Variants in C1orf21 observed in about 807,000 individuals in gnomAD.
C1orf21 encodes uncharacterized protein C1orf21.
A neutral mutation model predicts 18.7 loss-of-function variants in C1orf21; 3 were observed. The observed-to-expected ratio is 0.16, with a 90% CI of 0.07 to 0.42. C1orf21 has a LOEUF of 0.42. Ranked by LOEUF, C1orf21 falls within the 10% of genes least tolerant of loss-of-function variation. The probability of loss-of-function intolerance (pLI) is 0.99; values close to 1 mark genes in which losing one functional copy is unlikely to be tolerated. For synonymous variants in C1orf21, 41 were observed against 46.4 expected, an observed-to-expected ratio of 0.88 and a Z score of 0.47; for missense variants, 104 against 143.6, an observed-to-expected ratio of 0.72 and a Z score of 1.41.
At chr1:184,453,658 CT>C (rs112168366) in intron 1 of C1orf21, among the ~76,000 whole-genome samples, 6 of 151,420 alleles carry the variant, frequency 4.0e-5, no homozygotes, top group African/African-American at 1.2e-4. Context: ...TAGACCAAAA[CT>C]TTTTTTTTAT....
In C1orf21 at chr1:184,427,345, GTC is replaced by G. The variant is rs558710298; in HGVS notation, c.-125+39981_-125+39982del. 9.2e-5 allele frequency among the ~76,000 whole-genome samples: 14 copies of G among 152,278 alleles called. No homozygotes were observed. The East Asian group carries it at 2.7e-3, about 29-fold the overall frequency. Reference sequence around the variant, plus strand: ...TAAAAAATAAAATAAAATCTGACATGTCTCTGTTTGTATGAGCTTCTCTTACT... The same window carrying G: ...TAAAAAATAAAATAAAATCTGACATGTCTGTTTGTATGAGCTTCTCTTACT... On this transcript the variant is annotated intron_variant, in intron 1 of 5. Coordinates refer to ENST00000235307, the MANE Select transcript of C1orf21 (RefSeq NM_030806.4).
At chr1:184,463,583 T>C (rs1657341202) in intron 1 of C1orf21, among the ~76,000 whole-genome samples, 2 of 152,316 alleles carry the variant, frequency 1.3e-5, no homozygotes, top group South Asian at 2.1e-4. Flanking sequence ...AATCTTCTAC[T>C]TTGTGCAAAG....
At chr1:184,463,176 C>T (rs1025821590) in intron 1 of C1orf21, among the ~76,000 whole-genome samples, 7 of 151,766 alleles carry the variant, frequency 4.6e-5, no homozygotes, top group South Asian at 2.1e-4. Flanking sequence ...GTGGCATCAG[C>T]TCAGCTATGA....
Position 184,418,858 on chromosome 1 carries a change from C to T in C1orf21, c.-125+31490C>T, listed in dbSNP as rs892604971. ...TAGTAGCTCATGCCAGTTCCTGTTTCACATTCTACTACTGTTGGTTTGGCT... is the reference window on the plus strand; with the variant it reads ...TAGTAGCTCATGCCAGTTCCTGTTTTACATTCTACTACTGTTGGTTTGGCT... On this transcript the variant is annotated intron_variant, in intron 1 of 5. Transcript: ENST00000235307. 2.6e-5 allele frequency among the ~76,000 whole-genome samples: 4 copies of T among 152,280 alleles called. No individual in the cohort carries two copies. The South Asian group carries it at 8.3e-4, about 32-fold the overall frequency.
At chr1:184,540,355 T>G (rs1389612123) in intron 3 of C1orf21, among the ~76,000 whole-genome samples, 1 of 152,180 alleles carries the variant, frequency 6.6e-6, no homozygotes, top group Non-Finnish European at 1.5e-5. Context: ...GTACCAAGAT[T>G]TTAAAAGAGA....
chr1:184,566,773 T>C, intron 3 of C1orf21: 1 of 416,538 alleles, frequency 2.4e-6, no homozygotes, highest in South Asian at 2.0e-5. Context: ...GCTGGTGTTG[T>C]GATGCTGCTC....
intron 1 of C1orf21, among the ~76,000 whole-genome samples, chr1:184,401,289 C>T (rs549586759): frequency 1.6e-4 from 24 of 152,094 alleles, no homozygotes; most frequent in South Asian, 1.2e-3. Flanking sequence ...GGCACCATCT[C>T]GGCTCACTGC....
chr1:184,579,797 C>T (rs1297244499), intron 3 of C1orf21, among the ~76,000 whole-genome samples: 1 of 152,202 alleles, frequency 6.6e-6, no homozygotes, highest in Non-Finnish European at 1.5e-5. Flanking sequence ...GCATGAGCCA[C>T]TGCGCCCAGC....
At position 184,620,992 on chromosome 1, in the gene C1orf21, T is replaced by A. The variant is rs16823345; in HGVS notation, c.*1436T>A. 0.065 allele frequency: 9,961 copies of A among 152,664 alleles called. 458 individuals are homozygous for A. The highest frequency in any genetic ancestry group is 0.12 in the African/African-American group (4,978 of 41,524). The allele number at this position is 152,664 out of a possible 1,614,324, so 9.5% of individuals were successfully genotyped here. ...CCGGGTCTGGGTTTGTCCCACAAAA[T>A]CACAGGAGCACTGTATGTTCCTCTC... On this transcript the variant is annotated 3_prime_UTR_variant, in exon 6 of 6. Transcript: ENST00000235307.
intron 1 of C1orf21, among the ~76,000 whole-genome samples, chr1:184,436,438 C>T (rs1282196568): frequency 2.0e-5 from 3 of 151,678 alleles, no homozygotes; most frequent in East Asian, 1.9e-4. Context: ...GGTGCAAAGT[C>T]GGCAGCCCAC....
intron 2 of C1orf21, among the ~76,000 whole-genome samples, chr1:184,482,164 C>T (rs1657668216): frequency 1.3e-5 from 2 of 152,142 alleles, no homozygotes. Context: ...ATCTGTTGTT[C>T]TCTCCCGGGC....
intron 3 of C1orf21, among the ~76,000 whole-genome samples, chr1:184,512,116 A>T (rs1051156351): frequency 2.6e-5 from 4 of 152,208 alleles, no homozygotes. Flanking sequence ...GTCTGTGCCC[A>T]CAGGAGGCTT....
At chr1:184,511,891 C>G (rs895406814) in intron 3 of C1orf21, among the ~76,000 whole-genome samples, 2 of 152,144 alleles carry the variant, frequency 1.3e-5, no homozygotes, top group African/African-American at 4.8e-5. Context: ...GTCATGAGAA[C>G]AGCATGGGGG....
chr1:184,582,480 T>C lies in C1orf21; in HGVS notation c.190-8259T>C, dbSNP rs534990548. On this transcript the variant is annotated intron_variant, in intron 3 of 5. Transcript: ENST00000235307. ...AGTGCTTTTATGTCTCCTCTCTGTGTAGGGCACTCATTAGCAGTCCCAAGA... is the reference window on the plus strand; with the variant it reads ...AGTGCTTTTATGTCTCCTCTCTGTGCAGGGCACTCATTAGCAGTCCCAAGA... Among the ~76,000 whole-genome samples, 15 of 152,364 alleles carry C rather than the reference T, an allele frequency of 9.8e-5. No homozygotes were observed. The East Asian group carries it at 2.7e-3, about 27-fold the overall frequency.
At chr1:184,446,855 T>C (rs1390914010) in intron 1 of C1orf21, among the ~76,000 whole-genome samples, 1 of 150,416 alleles carries the variant, frequency 6.6e-6, no homozygotes, top group African/African-American at 2.4e-5. Flanking sequence ...TTCGTGGTTT[T>C]TTTTTTTTTT....
intron 4 of C1orf21, among the ~76,000 whole-genome samples, chr1:184,595,328 G>A (rs1280841650): frequency 6.6e-6 from 1 of 152,134 alleles, no homozygotes; most frequent in African/African-American, 2.4e-5. Flanking sequence ...AGAAAAGCCA[G>A]TGAGCTTTTC....
intron 3 of C1orf21, among the ~76,000 whole-genome samples, chr1:184,569,896 A>G (rs1257984870): frequency 6.6e-6 from 1 of 152,218 alleles, no homozygotes; most frequent in East Asian, 1.9e-4. Flanking sequence ...TCCTAAGCCA[A>G]AGCCTACAGA....
At chr1:184,529,826 A>G (rs1304590816) in intron 3 of C1orf21, among the ~76,000 whole-genome samples, 3 of 152,310 alleles carry the variant, frequency 2.0e-5, no homozygotes, top group South Asian at 2.1e-4. Context: ...TTTGAATGCC[A>G]TTTGGAATGT....
At chr1:184,567,846 A>C (rs191684745) in intron 3 of C1orf21, 60 of 218,736 alleles carry the variant, frequency 2.7e-4, no homozygotes, top group Non-Finnish European at 4.5e-4. Flanking sequence ...CCGTGATGAA[A>C]CCACAAGGAA....
Sources: allele counts gnomAD v4.1 joint callset (sites outside exome capture counted in the v4.1 genomes callset), GRCh38; gene constraint gnomAD v4.1.1; transcripts MANE v1.5; gene names NCBI Gene and HGNC (gene_info 2026-07-23, HGNC 2026-07-21).